Variants in SLC1A3 observed in about 807,000 individuals in gnomAD.
SLC1A3 encodes the protein excitatory amino acid transporter 1.
SLC1A3 carries 21 observed loss-of-function variants against 48.1 expected under a neutral mutation model. The ratio of observed to expected loss-of-function variants is 0.44; its 90% CI spans 0.31 to 0.63. SLC1A3 has a LOEUF of 0.63. SLC1A3 is among the 20% of genes least tolerant of loss of function. The probability of loss-of-function intolerance (pLI) is 0.08; values close to 1 mark genes in which losing one functional copy is unlikely to be tolerated. For missense variants in SLC1A3, 546 were observed against 689.0 expected (o/e 0.79, Z 2.32); for synonymous variants, 239 against 251.4 (o/e 0.95, Z 0.47).
intron 8 of SLC1A3, among the ~76,000 whole-genome samples, chr5:36,683,566 AGT>A (rs1208607703): frequency 6.6e-6 from 1 of 151,960 alleles, no homozygotes; most frequent in African/African-American, 2.4e-5. Context: ...ATATTAGTCG[AGT>A]GTGGGGGCAT....
At position 36,680,258 on chromosome 5, in the gene SLC1A3, T is replaced by C. The variant is rs138480627; in HGVS notation, c.1095-137T>C. 5.1e-4 allele frequency: 393 copies of C among 767,668 alleles called. 5 individuals carry two copies. The African/African-American group carries it at 6.0e-3, about 12-fold the overall frequency. The allele number at this position is 767,668 out of a possible 1,614,324, so 47.6% of individuals were successfully genotyped here. A position where few individuals can be genotyped will look rare whatever the true frequency, so the allele number is the denominator to read the frequency against. On this transcript the variant is annotated intron_variant, in intron 7 of 9. Transcript: ENST00000265113. ...ACACTGTTCTTAACCTGCTCCCCTA[T>C]TTATACAATTGCTGACTTAGTTCCC...
At chr5:36,644,038 T>C (rs1289663014) in intron 3 of SLC1A3, among the ~76,000 whole-genome samples, 2 of 150,386 alleles carry the variant, frequency 1.3e-5, no homozygotes, top group African/African-American at 2.5e-5. Flanking sequence ...AATAAATAAA[T>C]AAATAAATAA....
intron 3 of SLC1A3, among the ~76,000 whole-genome samples, chr5:36,633,858 A>G (rs1038121262): frequency 6.6e-6 from 1 of 152,224 alleles, no homozygotes; most frequent in Admixed American, 6.5e-5. Flanking sequence ...TCATTACCCA[A>G]AATGGAAACC....
intron 1 of SLC1A3, among the ~76,000 whole-genome samples, chr5:36,599,119 A>G (rs1738776490): frequency 1.3e-5 from 2 of 152,230 alleles, no homozygotes; most frequent in African/African-American, 4.8e-5. Context: ...CTCAATGGTT[A>G]CATGTGGCTA....
At chr5:36,621,736 G>C (rs902960046) in intron 2 of SLC1A3, among the ~76,000 whole-genome samples, 9 of 152,180 alleles carry the variant, frequency 5.9e-5, no homozygotes, top group African/African-American at 2.2e-4. Context: ...TTAAACATTT[G>C]TAGAGCATCT....
upstream of SLC1A3, chr5:36,606,351 G>C (rs1284871491): frequency 6.6e-6 from 1 of 152,238 alleles, no homozygotes; most frequent in African/African-American, 2.4e-5. Flanking sequence ...TTCCGATTGT[G>C]TGCGCTTTAT....
chr5:36,678,965 T>G (rs1742323363), intron 6 of SLC1A3, among the ~76,000 whole-genome samples: 1 of 152,248 alleles, frequency 6.6e-6, no homozygotes, highest in African/African-American at 2.4e-5. Context: ...CATAGAATTT[T>G]CTCTTAAAGT....
intron 8 of SLC1A3, among the ~76,000 whole-genome samples, chr5:36,682,912 T>G (rs1456041779): frequency 6.6e-6 from 1 of 152,250 alleles, no homozygotes; most frequent in Non-Finnish European, 1.5e-5. Flanking sequence ...ATACTTTCTG[T>G]GACAGACTTA....
chr5:36,629,795 C>T (rs887513342), intron 3 of SLC1A3: 6 of 566,514 alleles, frequency 1.1e-5, no homozygotes, highest in East Asian at 6.3e-5. Flanking sequence ...CAAGAGGAAA[C>T]GAATTTAAAC....
At chr5:36,615,353 A>G (rs1173582732) in intron 2 of SLC1A3, among the ~76,000 whole-genome samples, 1 of 152,222 alleles carries the variant, frequency 6.6e-6, no homozygotes, top group Non-Finnish European at 1.5e-5. Context: ...AATATATAGA[A>G]TAATAAACAG....
At chr5:36,609,134 G>T in intron 2 of SLC1A3, 2 of 986,010 alleles carry the variant, frequency 2.0e-6, no homozygotes, top group Non-Finnish European at 2.4e-6. Context: ...AAGGTAGATT[G>T]GGGAAAATGT....
intron 3 of SLC1A3, among the ~76,000 whole-genome samples, chr5:36,643,688 A>G (rs563409532): frequency 6.6e-6 from 1 of 152,254 alleles, no homozygotes; most frequent in Admixed American, 6.5e-5. Context: ...AGCACTCTGA[A>G]GTGCTTCTTA....
chr5:36,655,527 T>C (rs1741252344), intron 3 of SLC1A3, among the ~76,000 whole-genome samples: 1 of 152,242 alleles, frequency 6.6e-6, no homozygotes, highest in Non-Finnish European at 1.5e-5. Flanking sequence ...AAAGTCACTG[T>C]ATTTTCTATG....
chr5:36,600,002 A>G (rs899432871), intron 1 of SLC1A3, among the ~76,000 whole-genome samples: 7 of 152,124 alleles, frequency 4.6e-5, no homozygotes, highest in African/African-American at 1.7e-4. Flanking sequence ...TATCATGAAT[A>G]CTGTGGAGTT....
intron 8 of SLC1A3, among the ~76,000 whole-genome samples, chr5:36,682,864 C>G (rs1038697057): frequency 1.6e-4 from 24 of 152,158 alleles, no homozygotes; most frequent in Non-Finnish European, 4.4e-5. Context: ...AGCTAAAAGT[C>G]CCAGTATCTT....
At chr5:36,652,906 G>A (rs1034678489) in intron 3 of SLC1A3, among the ~76,000 whole-genome samples, 2 of 152,230 alleles carry the variant, frequency 1.3e-5, no homozygotes, top group African/African-American at 4.8e-5. Flanking sequence ...CTTTGGGTGA[G>A]GGTACAATAC....
intron 3 of SLC1A3, among the ~76,000 whole-genome samples, chr5:36,639,989 G>A (rs527392960): frequency 6.6e-6 from 1 of 152,238 alleles, no homozygotes; most frequent in East Asian, 1.9e-4. Flanking sequence ...AAAGATGCTG[G>A]AGTTTCTGCT....
chr5:36,684,100 G>C, intron 9 of SLC1A3, 102 bp downstream of exon 9: 2 of 1,422,638 alleles, frequency 1.4e-6, no homozygotes, highest in Non-Finnish European at 9.9e-7. Flanking sequence ...GAACTCTGAG[G>C]AGAGGGGCCT....
At chr5:36,604,112 T>C (rs2731884), upstream of SLC1A3, among the ~76,000 whole-genome samples, 39,264 of 152,090 alleles carry the variant, frequency 0.26, 7,264 homozygotes, top group African/African-American at 0.52. Context: ...AAGAATTTAC[T>C]GATAACATAC....
Sources: allele counts gnomAD v4.1 joint callset (sites outside exome capture counted in the v4.1 genomes callset), GRCh38; gene constraint gnomAD v4.1.1; transcripts MANE v1.5; gene names NCBI Gene and HGNC (gene_info 2026-07-23, HGNC 2026-07-21).